Variants in ANO10 observed in about 807,000 individuals in gnomAD.
ANO10 encodes anoctamin 10, also known as anoctamin-10.
ANO10 carries 77 observed loss-of-function variants against 74.7 expected under a neutral mutation model. The observed-to-expected ratio is 1.03, with a 90% CI of 0.86 to 1.25. The LOEUF is 1.25. Ranked by LOEUF, ANO10 falls within the 50% of genes most tolerant of loss-of-function variation. The pLI is 0.00. For missense variants in ANO10, 721 were observed against 778.1 expected, an observed-to-expected ratio of 0.93 and a Z score of 0.87; for synonymous variants, 279 against 284.9, an observed-to-expected ratio of 0.98 and a Z score of 0.21.
intron 9 of ANO10, among the ~76,000 whole-genome samples, chr3:43,559,472 G>A (rs772679941): frequency 7.4e-4 from 113 of 152,184 alleles, no homozygotes; most frequent in Non-Finnish European, 1.3e-3. Context: ...AATTATTGCA[G>A]AAAACTGTGA....
At chr3:43,552,724 ATATATGTATG>A (rs758478854) in intron 10 of ANO10, among the ~76,000 whole-genome samples, 653 of 102,834 alleles carry the variant, frequency 6.4e-3, no homozygotes, top group Middle Eastern at 0.015. Context: ...ATATATATAT[ATATATGTATG>A]TATGTATGTA....
chr3:43,662,479 C>T (rs544177413), intron 1 of ANO10, among the ~76,000 whole-genome samples: 1 of 152,032 alleles, frequency 6.6e-6, no homozygotes, highest in African/African-American at 2.4e-5. Context: ...AATCAACACC[C>T]TAACATCACA....
chr3:43,546,210 C>A (rs1182418680), intron 11 of ANO10, among the ~76,000 whole-genome samples: 1 of 152,114 alleles, frequency 6.6e-6, no homozygotes, highest in Non-Finnish European at 1.5e-5. Context: ...AACTTCTGAT[C>A]GATAGTTAAC....
intron 1 of ANO10, among the ~76,000 whole-genome samples, chr3:43,684,469 T>C (rs2084246722): frequency 6.6e-6 from 1 of 152,204 alleles, no homozygotes; most frequent in Non-Finnish European, 1.5e-5. Context: ...AGGAACACTT[T>C]TACACTGTTG....
intron 1 of ANO10, among the ~76,000 whole-genome samples, chr3:43,666,534 T>C (rs1282758706): frequency 6.6e-6 from 1 of 152,182 alleles, no homozygotes; most frequent in African/African-American, 2.4e-5. Context: ...TGATTATAAT[T>C]ACACTGACAA....
chr3:43,565,013 T>C (rs2080241943), intron 8 of ANO10, among the ~76,000 whole-genome samples: 1 of 152,234 alleles, frequency 6.6e-6, no homozygotes, highest in African/African-American at 2.4e-5. Flanking sequence ...TTTCTCTATT[T>C]TGAAAAATAA....
upstream of ANO10, among the ~76,000 whole-genome samples, chr3:43,626,295 CTTT>C (rs776440890): frequency 7.4e-6 from 1 of 135,632 alleles, no homozygotes; most frequent in African/African-American, 2.7e-5. Flanking sequence ...ATGTTCTTCA[CTTT>C]TTTTTTTTTT....
chr3:43,540,603 A>T (rs2078911794), intron 11 of ANO10, among the ~76,000 whole-genome samples: 1 of 152,210 alleles, frequency 6.6e-6, no homozygotes, highest in African/African-American at 2.4e-5. Context: ...CAGTAACAAG[A>T]ATACCACACA....
rs1331413965 is a variant in ANO10 at position 43,577,069 on chromosome 3, T to G, written c.785A>C (p.Lys262Thr). The G allele has an allele frequency of 1.9e-6, 3 of 1,614,160 alleles. No homozygotes were observed. Among genetic ancestry groups the G allele is most frequent in the South Asian group, 1.1e-5 (1 of 91,086 alleles). Residue 262 changes from lysine to threonine, a missense_variant, in exon 6 of 13, where the codon AAG becomes ACG. Coordinates refer to ENST00000292246, the MANE Select transcript of ANO10 (RefSeq NM_018075.5). The stretch of plus-strand genomic sequence containing the variant: ...GTAGGTCATGTTGGCACAGCCACGC[T>G]TCCACAGTTCCAGAATCACCGTGGA... ...IWSTVILELWKRGCANMTYRW... is the reference protein window; with the variant it reads ...IWSTVILELWTRGCANMTYRW...
At chr3:43,543,158 C>A (rs111337719) in intron 11 of ANO10, among the ~76,000 whole-genome samples, 1 of 152,116 alleles carries the variant, frequency 6.6e-6, no homozygotes, top group African/African-American at 2.4e-5. Context: ...TCCTTCCCTC[C>A]CTCTCTCTTA....
chr3:43,477,683 T>G (rs2076117668), intron 11 of ANO10, among the ~76,000 whole-genome samples: 1 of 152,202 alleles, frequency 6.6e-6, no homozygotes, highest in Non-Finnish European at 1.5e-5. Flanking sequence ...TCATCTTAAA[T>G]GTTCTAACAT....
Position 43,605,872 on chromosome 3 carries a change from A to C in ANO10, c.-11-9T>G. The C allele has an allele frequency of 6.2e-7, 1 of 1,612,540 alleles. No individual in the cohort carries two copies. The highest frequency in any genetic ancestry group is 8.5e-7 in the Non-Finnish European group (1 of 1,179,364). ...TTTCATCTTTGACAAATCTGCGGAAAATTAAAATAAAGAGTGAAAATGGGT... is the reference window on the plus strand; with the variant it reads ...TTTCATCTTTGACAAATCTGCGGAACATTAAAATAAAGAGTGAAAATGGGT... On this transcript the variant is annotated splice_polypyrimidine_tract_variant and intron_variant, in intron 1 of 12. Coordinates refer to ENST00000292246, the MANE Select transcript of ANO10 (RefSeq NM_018075.5).
chr3:43,522,030 T>C (rs1320207853), intron 11 of ANO10, among the ~76,000 whole-genome samples: 1 of 152,148 alleles, frequency 6.6e-6, no homozygotes, highest in African/African-American at 2.4e-5. Flanking sequence ...CTAAGTGAAA[T>C]AAGCCAGACA....
In ANO10 at chr3:43,666,931, A is replaced by C. The variant is rs578017418; in HGVS notation, c.-12+24586T>G. Among the ~76,000 whole-genome samples, 10 of 152,152 alleles carry C rather than the reference A, an allele frequency of 6.6e-5. 1 individual carries two copies. Among genetic ancestry groups the C allele is most frequent in the African/African-American group, 2.4e-4 (10 of 41,484 alleles). On this transcript the variant is annotated intron_variant, in intron 1 of 3. Transcript: ENST00000413397. ...ATGATTTGATTAATGTTAGCATGGTATATCTTTCTCCATCCATTTATTTTT... is the reference window on the plus strand; with the variant it reads ...ATGATTTGATTAATGTTAGCATGGTCTATCTTTCTCCATCCATTTATTTTT...
chr3:43,492,089 A>T (rs2076745020), intron 11 of ANO10, among the ~76,000 whole-genome samples: 1 of 152,066 alleles, frequency 6.6e-6, no homozygotes, highest in Non-Finnish European at 1.5e-5. Context: ...AAAATTCCAA[A>T]AACCAGAACA....
chr3:43,571,433 C>G (rs1475449427), intron 7 of ANO10, among the ~76,000 whole-genome samples: 11 of 151,328 alleles, frequency 7.3e-5, no homozygotes, highest in Admixed American at 2.6e-4. Flanking sequence ...TTGGAACCAA[C>G]CCAAATGTCC....
At chr3:43,517,943 C>T (rs2077781342) in intron 11 of ANO10, among the ~76,000 whole-genome samples, 1 of 152,162 alleles carries the variant, frequency 6.6e-6, no homozygotes, top group African/African-American at 2.4e-5. Flanking sequence ...TGTGGACTAA[C>T]ACCAGTCTGC....
chr3:43,433,479 T>C (rs1559539853), intron 11 of ANO10, among the ~76,000 whole-genome samples: 1 of 152,160 alleles, frequency 6.6e-6, no homozygotes, highest in African/African-American at 2.4e-5. Context: ...GTGTCATGAA[T>C]CCTCTAATCC....
intron 11 of ANO10, among the ~76,000 whole-genome samples, chr3:43,501,320 T>C (rs2077092785): frequency 6.6e-6 from 1 of 152,138 alleles, no homozygotes. Flanking sequence ...AGCACAAGGA[T>C]GGCACCAAGC....
Sources: gnomAD v4.1 joint callset for allele counts (sites outside exome capture counted in the v4.1 genomes callset) on GRCh38, gnomAD v4.1.1 for gene constraint, MANE v1.5 for transcripts, NCBI Gene and HGNC (gene_info 2026-07-23, HGNC 2026-07-21) for gene names.